The following PDE4B variants were observed in gnomAD, a reference collection of about 807,000 sequenced individuals.
The protein encoded by PDE4B is phosphodiesterase 4B.
In PDE4B, 20 loss-of-function variants were observed where a neutral mutation model predicts 82.2. The ratio of observed to expected loss-of-function variants is 0.24; its 90% CI spans 0.17 to 0.35. PDE4B has a LOEUF of 0.35. Ranked by LOEUF, PDE4B falls within the 10% of genes least tolerant of loss-of-function variation. The pLI is 1.00. For missense variants in PDE4B, 655 were observed against 907.2 expected, an observed-to-expected ratio of 0.72 and a Z score of 3.57; for synonymous variants, 320 against 318.9, an observed-to-expected ratio of 1.00 and a Z score of -0.04.
chr1:66,168,389 G>A (rs1178920360), intron 3 of PDE4B, among the ~76,000 whole-genome samples: 2 of 152,164 alleles, frequency 1.3e-5, no homozygotes, highest in African/African-American at 4.8e-5. Context: ...GTGGTAGGGT[G>A]GTCAGACAAG....
At chr1:65,896,740 A>C (rs1255566451) in intron 1 of PDE4B, among the ~76,000 whole-genome samples, 1 of 152,144 alleles carries the variant, frequency 6.6e-6, no homozygotes, top group Non-Finnish European at 1.5e-5. Context: ...CATTTAAGAA[A>C]TTATATTATT....
intron 3 of PDE4B, among the ~76,000 whole-genome samples, chr1:66,241,852 T>G (rs1386326972): frequency 6.6e-6 from 1 of 152,164 alleles, no homozygotes; most frequent in Non-Finnish European, 1.5e-5. Context: ...GTGACTCCCT[T>G]TAAGAGCTCC....
chr1:66,030,322 T>C (rs1653702461), intron 3 of PDE4B, among the ~76,000 whole-genome samples: 1 of 152,170 alleles, frequency 6.6e-6, no homozygotes, highest in Non-Finnish European at 1.5e-5. Flanking sequence ...CTTTTTTCAG[T>C]GTGTCTTTGC....
chr1:66,227,746 G>A (rs539600429), intron 3 of PDE4B, among the ~76,000 whole-genome samples: 2 of 152,118 alleles, frequency 1.3e-5, no homozygotes, highest in South Asian at 4.2e-4. Context: ...AGCTGAAATG[G>A]TTAGCTCTAC....
chr1:66,045,562 T>C (rs574657255), intron 3 of PDE4B, among the ~76,000 whole-genome samples: 2 of 151,880 alleles, frequency 1.3e-5, no homozygotes, highest in East Asian at 3.9e-4. Context: ...AGCAGGAAAT[T>C]CATGAAGCAT....
intron 3 of PDE4B, among the ~76,000 whole-genome samples, chr1:66,006,262 C>T (rs1046648874): frequency 2.6e-5 from 4 of 151,946 alleles, no homozygotes; most frequent in African/African-American, 9.7e-5. Context: ...AGATTGACAT[C>T]GCTTAGTGAG....
At chr1:66,274,222 A>AGAGAG (rs1655710336) in intron 7 of PDE4B, among the ~76,000 whole-genome samples, 1 of 151,446 alleles carries the variant, frequency 6.6e-6, no homozygotes, top group South Asian at 2.1e-4. Flanking sequence ...GAGCAATGGT[A>AGAGAG]CAATCTCAGC....
intron 7 of PDE4B, among the ~76,000 whole-genome samples, chr1:66,291,764 A>G (rs1657102082): frequency 6.6e-6 from 1 of 152,006 alleles, no homozygotes; most frequent in Non-Finnish European, 1.5e-5. Context: ...TTTTCCCACC[A>G]TGTAATTATG....
intron 1 of PDE4B, among the ~76,000 whole-genome samples, chr1:65,866,169 T>C (rs1339422810): frequency 1.3e-5 from 2 of 151,554 alleles, no homozygotes; most frequent in African/African-American, 4.8e-5. Flanking sequence ...AAACTCCAAC[T>C]TTTTTTTTAT....
At chr1:65,839,026 G>A (rs913298260) in intron 1 of PDE4B, among the ~76,000 whole-genome samples, 1 of 152,124 alleles carries the variant, frequency 6.6e-6, no homozygotes, top group African/African-American at 2.4e-5. Flanking sequence ...CTGAAAATCA[G>A]TTGTAACTTG....
At chr1:65,795,116 A>G (rs927891774) in intron 1 of PDE4B, among the ~76,000 whole-genome samples, 2 of 152,212 alleles carry the variant, frequency 1.3e-5, no homozygotes, top group African/African-American at 2.4e-5. Flanking sequence ...TAACAGTAAT[A>G]GTTACTGTGT....
In PDE4B at chr1:66,368,838, T is replaced by C. The variant is rs769198088; in HGVS notation, c.1714T>C (p.Leu572=). 11 of 1,613,230 alleles carry C rather than the reference T, an allele frequency of 6.8e-6. No individual in the cohort carries two copies. Among genetic ancestry groups the C allele is most frequent in the Middle Eastern group, 3.3e-4 (2 of 6,056 alleles). Residue 572 remains leucine (L), a synonymous_variant, in exon 16 of 17, where the codon TTG becomes CTG. Transcript: ENST00000341517. ...CADLSNPTKS[L]ELYRQWTDRI... The stretch of plus-strand genomic sequence containing the variant: ...AGACCTGAGCAACCCCACCAAGTCC[T>C]TGGAATTGTATCGGCAATGGACAGA...
At position 65,805,153 on chromosome 1, in the gene PDE4B, T is replaced by A. The variant is rs553216672; in HGVS notation, c.-71+11905T>A. On this transcript the variant is annotated intron_variant, in intron 1 of 16. Coordinates refer to ENST00000341517, the MANE Select transcript of PDE4B (RefSeq NM_002600.4). ...ATAAGTTTTATATTTTTAGTAGAAA[T>A]GGGGTTTTGCCATGTTGGCCAGGCT... Among the ~76,000 whole-genome samples, 42 of 152,066 alleles carry A rather than the reference T, an allele frequency of 2.8e-4. No homozygotes were observed. In the South Asian group the frequency reaches 8.5e-3, roughly 31 times the overall value.
At chr1:65,984,337 T>C (rs1162423000) in intron 3 of PDE4B, among the ~76,000 whole-genome samples, 1 of 152,168 alleles carries the variant, frequency 6.6e-6, no homozygotes. Flanking sequence ...AGGAAGGATG[T>C]GACTATAAAG....
At chr1:66,260,994 C>T (rs917805914) in intron 6 of PDE4B, among the ~76,000 whole-genome samples, 4 of 152,150 alleles carry the variant, frequency 2.6e-5, no homozygotes, top group Non-Finnish European at 4.4e-5. Flanking sequence ...CCCATGTGTA[C>T]AGAGTTGATC....
chr1:65,808,299 G>A (rs1391210565), intron 1 of PDE4B, among the ~76,000 whole-genome samples: 1 of 150,868 alleles, frequency 6.6e-6, no homozygotes, highest in Non-Finnish European at 1.5e-5. Flanking sequence ...AACCTCCCAA[G>A]TAGCTAGCAC....
chr1:65,849,872 T>C (rs1022635014), intron 1 of PDE4B, among the ~76,000 whole-genome samples: 4 of 152,134 alleles, frequency 2.6e-5, no homozygotes, highest in Non-Finnish European at 4.4e-5. Context: ...TCAGTTCGAT[T>C]ATTACAGCCA....
chr1:66,202,179 A>G (rs1308369912), intron 3 of PDE4B, among the ~76,000 whole-genome samples: 1 of 151,926 alleles, frequency 6.6e-6, no homozygotes, highest in Non-Finnish European at 1.5e-5. Flanking sequence ...CTTAATCCTG[A>G]GTTCTAGTTT....
At chr1:66,342,593 A>G (rs504304) in intron 8 of PDE4B, among the ~76,000 whole-genome samples, 143,527 of 150,454 alleles carry the variant, frequency 0.95, 68,509 homozygotes, top group East Asian at 1. Context: ...TTAGCTGGGC[A>G]TGGTGGCACA....
Sources: gnomAD v4.1 joint callset for allele counts (sites outside exome capture counted in the v4.1 genomes callset) on GRCh38, gnomAD v4.1.1 for gene constraint, MANE v1.5 for transcripts, NCBI Gene and HGNC (gene_info 2026-07-23, HGNC 2026-07-21) for gene names.